Variants in VPS8 observed in about 807,000 individuals in gnomAD.
VPS8 encodes VPS8 subunit of CORVET complex, also known as vacuolar protein sorting-associated protein 8 homolog.
VPS8 carries 129 observed loss-of-function variants against 216.4 expected under a neutral mutation model. The ratio of observed to expected loss-of-function variants is 0.60; its 90% CI spans 0.52 to 0.69. VPS8 has a LOEUF of 0.69. Among genes scored for constraint, VPS8 ranks in the 30% least tolerant of loss-of-function variants. The pLI is 0.00. For missense variants in VPS8, 1,531 were observed against 1,683.5 expected (o/e 0.91, Z 1.59); for synonymous variants, 571 against 565.4 (o/e 1.01, Z -0.14).
At chr3:184,907,759 G>T (rs528158459) in intron 25 of VPS8, among the ~76,000 whole-genome samples, 16 of 152,260 alleles carry the variant, frequency 1.1e-4, no homozygotes, top group Admixed American at 6.5e-4. Flanking sequence ...TCCAAATATT[G>T]TTGAATTGTC....
At chr3:184,873,752 A>G (rs190522572) in intron 21 of VPS8, among the ~76,000 whole-genome samples, 97 of 152,342 alleles carry the variant, frequency 6.4e-4, no homozygotes, top group African/African-American at 1.9e-3. Context: ...GACCATATGT[A>G]ATGTGTAATA....
intron 45 of VPS8, among the ~76,000 whole-genome samples, chr3:185,023,949 A>T (rs995783370): frequency 1.3e-5 from 2 of 152,214 alleles, no homozygotes; most frequent in Non-Finnish European, 2.9e-5. Flanking sequence ...TCTTCTGTGC[A>T]TGCTTTGCTT....
chr3:184,966,343 TCA>T (rs1747408935), intron 38 of VPS8, among the ~76,000 whole-genome samples: 1 of 152,182 alleles, frequency 6.6e-6, no homozygotes, highest in African/African-American at 2.4e-5. Flanking sequence ...ATATTGGGAA[TCA>T]CATTTCAACA....
At chr3:185,007,966 G>A (rs1373992772) in intron 45 of VPS8, among the ~76,000 whole-genome samples, 1 of 151,948 alleles carries the variant, frequency 6.6e-6, no homozygotes, top group Non-Finnish European at 1.5e-5. Context: ...TGATATTAAT[G>A]CCTGTTTTCA....
chr3:184,927,869 A>G (rs1739952708), intron 31 of VPS8, among the ~76,000 whole-genome samples: 1 of 152,220 alleles, frequency 6.6e-6, no homozygotes, highest in South Asian at 2.1e-4. Flanking sequence ...AATGTGTTCA[A>G]GGTTCATCCA....
At chr3:184,848,924 CA>C (rs1484795858) in intron 8 of VPS8, 146 bp from the exon 9 acceptor site, 1 of 829,672 alleles carries the variant, frequency 1.2e-6, no homozygotes, top group Non-Finnish European at 1.8e-6. Flanking sequence ...GCTAGTTGCT[CA>C]ATAAATATAT....
At chr3:184,882,334 AT>A (rs140442589) in intron 21 of VPS8, 5 of 447,800 alleles carry the variant, frequency 1.1e-5, no homozygotes, top group South Asian at 3.2e-5. Flanking sequence ...TGATCATGTG[AT>A]TTTTTTTCTT....
intron 45 of VPS8, among the ~76,000 whole-genome samples, chr3:185,005,448 G>T (rs1754106207): frequency 6.6e-6 from 1 of 152,050 alleles, no homozygotes; most frequent in African/African-American, 2.4e-5. Flanking sequence ...CATTGAATCT[G>T]TAGATTGCTT....
At chr3:184,868,401 C>T in intron 18 of VPS8, 1 of 206,560 alleles carries the variant, frequency 4.8e-6, no homozygotes, top group Admixed American at 5.7e-5. Context: ...GAATTCTGGT[C>T]TCAGGGCCAT....
intron 45 of VPS8, among the ~76,000 whole-genome samples, chr3:185,010,116 C>T (rs1754808679): frequency 1.3e-5 from 2 of 151,912 alleles, no homozygotes; most frequent in African/African-American, 4.8e-5. Context: ...CACAAGGTAG[C>T]ATTGAGAGTA....
intron 23 of VPS8, among the ~76,000 whole-genome samples, chr3:184,897,848 T>G (rs189777092): frequency 1.4e-4 from 21 of 152,296 alleles, no homozygotes; most frequent in Admixed American, 1.2e-3. Context: ...GTCCTCTTCC[T>G]AAATATTTTC....
intron 46 of VPS8, among the ~76,000 whole-genome samples, chr3:185,026,737 C>T (rs1404919336): frequency 1.0e-4 from 10 of 96,576 alleles, no homozygotes; most frequent in East Asian, 3.3e-4. Flanking sequence ...GAGACAGAGT[C>T]TCACTCTGTC....
chr3:185,038,434 T>C (rs1239366163), intron 46 of VPS8, among the ~76,000 whole-genome samples: 1 of 152,260 alleles, frequency 6.6e-6, no homozygotes, highest in East Asian at 1.9e-4. Flanking sequence ...AGTTTTGATA[T>C]TTCTTCTGAC....
rs1034055518 is a variant in VPS8 at position 184,862,131 on chromosome 3, T to C, written c.1225-766T>C. 2.0e-5 allele frequency among the ~76,000 whole-genome samples: 3 copies of C among 152,244 alleles called. 1 individual carries two copies. Among genetic ancestry groups the C allele is most frequent in the South Asian group, 4.1e-4 (2 of 4,828 alleles). ...AATAGAACATACAAATACACCAGCATGAATACCAGAGACATAAAGGGCAGG... is the reference window on the plus strand; with the variant it reads ...AATAGAACATACAAATACACCAGCACGAATACCAGAGACATAAAGGGCAGG... On this transcript the variant is annotated intron_variant, in intron 15 of 47. Transcript: ENST00000625842.
intron 30 of VPS8, 115 bp from the exon 31 acceptor site, chr3:184,926,479 G>A: frequency 9.7e-7 from 1 of 1,028,462 alleles, no homozygotes; most frequent in Admixed American, 2.5e-5. Flanking sequence ...TGTGGTATTT[G>A]TTATGTCTGG....
At chr3:184,986,296 G>A (rs1751058821) in intron 42 of VPS8, among the ~76,000 whole-genome samples, 1 of 152,162 alleles carries the variant, frequency 6.6e-6, no homozygotes, top group South Asian at 2.1e-4. Flanking sequence ...TTTTAAGTGT[G>A]CTCAGAACAT....
In VPS8 at chr3:184,880,106, A is replaced by T. The variant is rs138056277; in HGVS notation, c.1735-6004A>T. Among the ~76,000 whole-genome samples the T allele has an allele frequency of 2.2e-3, 331 of 152,266 alleles. 2 individuals are homozygous for T. Among genetic ancestry groups the T allele is most frequent in the East Asian group, 2.1e-3 (11 of 5,178 alleles). On this transcript the variant is annotated intron_variant, in intron 21 of 47. Transcript: ENST00000625842. The stretch of plus-strand genomic sequence containing the variant: ...TTTTTTTAAAATTAGTGATTTTGTG[A>T]TATTTGTAAATTCATACTCAGTTGC...
intron 40 of VPS8, 25 bp downstream of exon 40, chr3:184,971,777 T>G: frequency 6.3e-7 from 1 of 1,599,498 alleles, no homozygotes; most frequent in Non-Finnish European, 8.5e-7. Context: ...GTTTAGGTAT[T>G]TAAAAGCCTG....
At chr3:185,050,769 C>T (rs1358572318) in intron 47 of VPS8, among the ~76,000 whole-genome samples, 2 of 152,174 alleles carry the variant, frequency 1.3e-5, no homozygotes, top group Non-Finnish European at 2.9e-5. Flanking sequence ...ACAGGGCTGC[C>T]CTGAGGAGTC....
Sources: gnomAD v4.1 joint callset for allele counts (sites outside exome capture counted in the v4.1 genomes callset) on GRCh38, gnomAD v4.1.1 for gene constraint, MANE v1.5 for transcripts, NCBI Gene and HGNC (gene_info 2026-07-23, HGNC 2026-07-21) for gene names.